Variants in ADAM17 observed in about 807,000 individuals in gnomAD.
ADAM17 encodes disintegrin and metalloproteinase domain-containing protein 17.
A neutral mutation model predicts 96.7 loss-of-function variants in ADAM17; 39 were observed. The observed-to-expected ratio is 0.40, with a 90% CI of 0.31 to 0.53. The LOEUF is 0.53. Ranked by LOEUF, ADAM17 falls within the 20% of genes least tolerant of loss-of-function variation. The pLI is 0.44. For missense variants in ADAM17, 777 were observed against 1,013.2 expected, an observed-to-expected ratio of 0.77 and a Z score of 3.17; for synonymous variants, 344 against 359.2, an observed-to-expected ratio of 0.96 and a Z score of 0.48.
Position 9,489,157 on chromosome 2 carries a change from T to TTTGTTGTTG in ADAM17, c.*1011_*1019dup, listed in dbSNP as rs34423700. 1 of 146,244 alleles carries TTTGTTGTTG rather than the reference T, an allele frequency of 6.8e-6. No homozygotes were observed. The highest frequency in any genetic ancestry group is 1.5e-5 in the Non-Finnish European group (1 of 64,870). The allele number at this position is 146,244 out of a possible 1,614,324, so 9.1% of individuals were successfully genotyped here. ...ATCACATTCAAAACAACCTGTTTTT[T>TTTGTTGTTG]TTGTTGTTGTTGTTGTTAAGAAATA... On this transcript the variant is annotated 3_prime_UTR_variant, in exon 19 of 19. Coordinates refer to ENST00000310823, the MANE Select transcript of ADAM17 (RefSeq NM_003183.6).
chr2:9,552,776 C>G (rs1187891498), intron 1 of ADAM17, among the ~76,000 whole-genome samples: 1 of 152,200 alleles, frequency 6.6e-6, no homozygotes, highest in African/African-American at 2.4e-5. Flanking sequence ...TGACTCATAA[C>G]TTTCCTAAAT....
rs1258871955 is a variant in ADAM17, at chr2:9,520,593, A to C, written c.957+610T>G. 3.9e-5 allele frequency among the ~76,000 whole-genome samples: 6 copies of C among 152,146 alleles called. No individual in the cohort carries two copies. The East Asian group carries it at 1.2e-3, about 29-fold the overall frequency. On this transcript the variant is annotated intron_variant, in intron 8 of 18. Coordinates refer to ENST00000310823, the MANE Select transcript of ADAM17 (RefSeq NM_003183.6). ...ATGAAACAGTGTGCAAAAACTCTATATATTGGGTATCCATGTTATTTTCTA... is the reference window on the plus strand; with the variant it reads ...ATGAAACAGTGTGCAAAAACTCTATCTATTGGGTATCCATGTTATTTTCTA...
chr2:9,537,085 T>C (rs1664988442), intron 2 of ADAM17, among the ~76,000 whole-genome samples: 1 of 152,162 alleles, frequency 6.6e-6, no homozygotes, highest in Non-Finnish European at 1.5e-5. Flanking sequence ...TATACATTCA[T>C]CTCTCCTGGA....
At position 9,517,986 on chromosome 2, in the gene ADAM17, T is replaced by C. The variant is rs752542509; in HGVS notation, c.1106A>G (p.Tyr369Cys). Residue 369 changes from tyrosine (Y) to cysteine (C), a missense_variant, in exon 10 of 19, where the codon TAT becomes TGT. Coordinates refer to ENST00000310823, the MANE Select transcript of ADAM17 (RefSeq NM_003183.6). Reference protein sequence around the residue: ...NSHGGVCPKAYYSPVGKKNIY... With the variant: ...NSHGGVCPKACYSPVGKKNIY... ...ATTTTTCTTCCCAACTGGGCTATAA[T>C]AAGCTAAAGTCAAAAGGAAACAGAG... 1 of 1,596,578 alleles carries C rather than the reference T, an allele frequency of 6.3e-7. No individual in the cohort carries two copies. The highest frequency in any genetic ancestry group is 1.8e-5 in the Admixed American group (1 of 55,212).
chr2:9,489,259 A>ATTTTTTT lies in ADAM17; in HGVS notation c.*911_*917dup, dbSNP rs34525911. ...AATATTCTAGGTTTGTAGATAGTGAATTTTTTTTTTTTTTTTTTTTTTTTG... is the reference window on the plus strand; with the variant it reads ...AATATTCTAGGTTTGTAGATAGTGAATTTTTTTTTTTTTTTTTTTTTTTTTTTTTTTG... On this transcript the variant is annotated 3_prime_UTR_variant, in exon 19 of 19. Transcript: ENST00000310823. 341 of 87,388 alleles carry ATTTTTTT rather than the reference A, an allele frequency of 3.9e-3. 33 individuals are homozygous for ATTTTTTT. Among genetic ancestry groups the ATTTTTTT allele is most frequent in the African/African-American group, 0.021 (325 of 15,518 alleles). 5.4% of individuals were successfully genotyped at this position (87,388 alleles called of 1,614,324 possible).
intron 2 of ADAM17, among the ~76,000 whole-genome samples, chr2:9,538,036 T>G (rs1376707456): frequency 1.6e-5 from 2 of 127,638 alleles, no homozygotes; most frequent in East Asian, 2.0e-4. Flanking sequence ...GGGTATACAC[T>G]TCAGTTCTTT....
At chr2:9,522,545 G>T (rs954228963) in intron 7 of ADAM17, 14 of 481,578 alleles carry the variant, frequency 2.9e-5, no homozygotes, top group Non-Finnish European at 5.3e-5. Context: ...CATGGTGAAT[G>T]ATTTTTAAAA....
intron 1 of ADAM17, among the ~76,000 whole-genome samples, chr2:9,554,458 G>C (rs1399632131): frequency 1.3e-5 from 2 of 152,014 alleles, no homozygotes; most frequent in African/African-American, 2.4e-5. Flanking sequence ...AGCTGTTCAA[G>C]TGATAACACT....
intron 10 of ADAM17, among the ~76,000 whole-genome samples, chr2:9,510,581 T>C (rs9678260): frequency 0.063 from 9,632 of 152,028 alleles, 1,080 homozygotes; most frequent in African/African-American, 0.22. Flanking sequence ...GGAGAACTGC[T>C]TGAACCCAGG....
intron 1 of ADAM17, among the ~76,000 whole-genome samples, chr2:9,551,410 G>C (rs1665587240): frequency 6.6e-6 from 1 of 152,048 alleles, no homozygotes. Context: ...TACATAATGA[G>C]GTATCTTGGG....
chr2:9,503,063 C>T (rs921029184), intron 12 of ADAM17, among the ~76,000 whole-genome samples: 2 of 149,926 alleles, frequency 1.3e-5, no homozygotes, highest in Non-Finnish European at 3.0e-5. Context: ...TAGCTTGAAC[C>T]TGGAAGGCAG....
intron 10 of ADAM17, chr2:9,512,510 A>C (rs968187153): frequency 6.6e-6 from 1 of 152,222 alleles, no homozygotes; most frequent in South Asian, 2.1e-4. Flanking sequence ...GCTCAGGAGC[A>C]ATCCTCAGGA....
At chr2:9,544,681 C>T (rs984385573) in intron 1 of ADAM17, among the ~76,000 whole-genome samples, 15 of 152,014 alleles carry the variant, frequency 9.9e-5, no homozygotes, top group Non-Finnish European at 1.9e-4. Context: ...AAAAAATTAG[C>T]CAGGCGTGGT....
intron 1 of ADAM17, among the ~76,000 whole-genome samples, chr2:9,552,143 T>A (rs1665607824): frequency 6.6e-6 from 1 of 152,318 alleles, no homozygotes; most frequent in East Asian, 1.9e-4. Flanking sequence ...TCCTTTCCTA[T>A]CAATCTTTTT....
At chr2:9,533,128 G>A (rs1434563239) in intron 4 of ADAM17, among the ~76,000 whole-genome samples, 1 of 152,046 alleles carries the variant, frequency 6.6e-6, no homozygotes, top group Non-Finnish European at 1.5e-5. Flanking sequence ...GGCAGAGGAT[G>A]TGGTGAGCCG....
At chr2:9,508,800 G>C (rs2125005635) in intron 11 of ADAM17, among the ~76,000 whole-genome samples, 1 of 152,208 alleles carries the variant, frequency 6.6e-6, no homozygotes, top group Middle Eastern at 3.4e-3. Flanking sequence ...GAAATGCAGA[G>C]ACTATGAAAA....
chr2:9,521,086 G>A (rs1158420941), intron 8 of ADAM17, 117 bp downstream of exon 8: 7 of 721,644 alleles, frequency 9.7e-6, no homozygotes, highest in African/African-American at 8.8e-5. Context: ...TCAGCTGGAG[G>A]AGACTGCTTC....
rs573776441 is a variant in ADAM17 at position 9,496,889 on chromosome 2, A to G, written c.1783+225T>C. ...CCTCAAAGCCTGCCATATGGCCTGA[A>G]ACTGCAGCAAGAAGAAACACCAACA... is the stretch of plus-strand genomic sequence containing the variant. On this transcript the variant is annotated intron_variant, in intron 14 of 18. Coordinates refer to ENST00000310823, the MANE Select transcript of ADAM17 (RefSeq NM_003183.6). 2.6e-5 allele frequency among the ~76,000 whole-genome samples: 4 copies of G among 152,312 alleles called. No individual in the cohort carries two copies. The East Asian group carries it at 7.7e-4, about 29-fold the overall frequency.
chr2:9,493,884 T>C, intron 15 of ADAM17, 59 bp from the exon 16 acceptor site: 1 of 1,427,196 alleles, frequency 7.0e-7, no homozygotes, highest in South Asian at 1.2e-5. Context: ...TCAGAAGCAA[T>C]GTAGCTTTAT....
Sources: allele counts gnomAD v4.1 joint callset (sites outside exome capture counted in the v4.1 genomes callset), GRCh38; gene constraint gnomAD v4.1.1; transcripts MANE v1.5; gene names NCBI Gene and HGNC (gene_info 2026-07-23, HGNC 2026-07-21).